The following L3MBTL4 variants were observed in gnomAD, a reference collection of about 807,000 sequenced individuals.
The protein encoded by L3MBTL4 is lethal(3)malignant brain tumor-like protein 4.
In L3MBTL4, 70 loss-of-function variants were observed where a neutral mutation model predicts 84.5. The observed-to-expected ratio is 0.83, with a 90% CI of 0.68 to 1.01. The LOEUF (loss-of-function observed/expected upper bound fraction) is 1.01, where lower values mean the gene tolerates loss of function less well. Ranked by LOEUF, L3MBTL4 falls within the 50% of genes least tolerant of loss-of-function variation. L3MBTL4 has a pLI of 0.00. For synonymous variants in L3MBTL4, 274 were observed against 259.8 expected, an observed-to-expected ratio of 1.05 and a Z score of -0.52; for missense variants, 715 against 754.8, an observed-to-expected ratio of 0.95 and a Z score of 0.62.
intron 16 of L3MBTL4, among the ~76,000 whole-genome samples, chr18:6,059,127 G>A (rs1046696264): frequency 6.6e-6 from 1 of 152,186 alleles, no homozygotes; most frequent in Non-Finnish European, 1.5e-5. Context: ...GATGTGGAAA[G>A]GTGAAGCTGC....
At chr18:5,998,844 T>C (rs770483628) in intron 16 of L3MBTL4, among the ~76,000 whole-genome samples, 1 of 152,204 alleles carries the variant, frequency 6.6e-6, no homozygotes, top group Non-Finnish European at 1.5e-5. Context: ...CAGCTGCCAC[T>C]TGCAGTCACC....
At chr18:6,194,331 G>A (rs1327374403) in intron 12 of L3MBTL4, among the ~76,000 whole-genome samples, 1 of 152,170 alleles carries the variant, frequency 6.6e-6, no homozygotes, top group Non-Finnish European at 1.5e-5. Flanking sequence ...CGATGGTCAC[G>A]GCAGCCTTCC....
At position 6,047,702 on chromosome 18, in the gene L3MBTL4, C is replaced by A. The variant is rs556148224; in HGVS notation, c.1444+33179G>T. Among the ~76,000 whole-genome samples, 6 of 152,274 alleles carry A rather than the reference C, an allele frequency of 3.9e-5. No homozygotes were observed. In the South Asian group the frequency reaches 1.2e-3, roughly 32 times the overall value. ...AAAAGCCTTTGATAAAATCCAACATCCTTTCATGTTAAAAACCCTCAACAG... is the reference window on the plus strand; with the variant it reads ...AAAAGCCTTTGATAAAATCCAACATACTTTCATGTTAAAAACCCTCAACAG... On this transcript the variant is annotated intron_variant, in intron 16 of 18. Transcript: ENST00000317931.
intron 10 of L3MBTL4, among the ~76,000 whole-genome samples, chr18:6,231,212 T>C (rs2046987304): frequency 2.0e-5 from 3 of 152,164 alleles, no homozygotes; most frequent in Admixed American, 2.0e-4. Flanking sequence ...TACTTGTAGG[T>C]TTTACTTTTA....
At chr18:6,376,244 C>T (rs905984061) in intron 1 of L3MBTL4, among the ~76,000 whole-genome samples, 1 of 152,208 alleles carries the variant, frequency 6.6e-6, no homozygotes, top group African/African-American at 2.4e-5. Context: ...CCTTGCAGGG[C>T]TTCCTGCTTC....
At chr18:6,269,752 C>A (rs2048787980) in intron 4 of L3MBTL4, among the ~76,000 whole-genome samples, 1 of 151,988 alleles carries the variant, frequency 6.6e-6, no homozygotes, top group Admixed American at 6.6e-5. Flanking sequence ...TGTTTATATA[C>A]AAATACAAAT....
At chr18:6,051,334 T>C (rs985035675) in intron 16 of L3MBTL4, among the ~76,000 whole-genome samples, 3 of 151,520 alleles carry the variant, frequency 2.0e-5, no homozygotes, top group Non-Finnish European at 2.9e-5. Context: ...AGGTCAGGAG[T>C]TCGAGACCAG....
intron 16 of L3MBTL4, among the ~76,000 whole-genome samples, chr18:5,987,877 C>T (rs2053534402): frequency 6.8e-6 from 1 of 146,872 alleles, no homozygotes; most frequent in African/African-American, 2.7e-5. Context: ...CATTTCAGGA[C>T]TTAATTCCCT....
chr18:6,240,184 T>C (rs533618373), intron 8 of L3MBTL4, among the ~76,000 whole-genome samples: 2 of 152,264 alleles, frequency 1.3e-5, no homozygotes, highest in South Asian at 2.1e-4. Context: ...TTTTAAAATA[T>C]GATGTTTACT....
intron 12 of L3MBTL4, among the ~76,000 whole-genome samples, chr18:6,211,650 C>CTT (rs764185744): frequency 8.4e-5 from 12 of 142,448 alleles, no homozygotes; most frequent in Non-Finnish European, 1.4e-4. Flanking sequence ...AAATGAAATA[C>CTT]TTTTTTTTTT....
At chr18:6,233,482 C>T (rs2047083303) in intron 10 of L3MBTL4, among the ~76,000 whole-genome samples, 1 of 149,728 alleles carries the variant, frequency 6.7e-6, no homozygotes, top group Admixed American at 6.6e-5. Context: ...TCTCAGAATA[C>T]AAAATAAATG....
At chr18:6,134,086 C>T (rs894977354) in intron 14 of L3MBTL4, among the ~76,000 whole-genome samples, 3 of 152,036 alleles carry the variant, frequency 2.0e-5, no homozygotes, top group Non-Finnish European at 4.4e-5. Context: ...ATATTCATGG[C>T]AGAGGGTGAA....
chr18:6,031,427 T>C, intron 16 of L3MBTL4: 1 of 985,478 alleles, frequency 1.0e-6, no homozygotes, highest in Non-Finnish European at 1.2e-6. Flanking sequence ...TGAACATTTA[T>C]AAGTTGCGAG....
intron 15 of L3MBTL4, among the ~76,000 whole-genome samples, chr18:6,088,726 G>T (rs1407271683): frequency 6.6e-6 from 1 of 152,168 alleles, no homozygotes; most frequent in Non-Finnish European, 1.5e-5. Flanking sequence ...AACTAACATT[G>T]TTATAATTCT....
chr18:6,255,508 G>A (rs1240109346), intron 5 of L3MBTL4, among the ~76,000 whole-genome samples: 4 of 152,104 alleles, frequency 2.6e-5, no homozygotes, highest in Admixed American at 6.5e-5. Context: ...TAGAAACTAC[G>A]GGAAATGAGC....
At chr18:6,136,915 G>A (rs905282859) in intron 14 of L3MBTL4, among the ~76,000 whole-genome samples, 3 of 152,220 alleles carry the variant, frequency 2.0e-5, no homozygotes, top group African/African-American at 7.2e-5. Context: ...TTATGCCAAT[G>A]TATAAAAACC....
intron 16 of L3MBTL4, among the ~76,000 whole-genome samples, chr18:6,073,018 C>A (rs2057739796): frequency 6.9e-6 from 1 of 144,806 alleles, no homozygotes; most frequent in African/African-American, 2.6e-5. Context: ...GAGTGGAAGG[C>A]AGGAAGGCAG....
chr18:6,351,808 C>G (rs577354979), intron 1 of L3MBTL4, among the ~76,000 whole-genome samples: 2 of 152,220 alleles, frequency 1.3e-5, no homozygotes, highest in African/African-American at 4.8e-5. Context: ...GCCTCAGCCT[C>G]CCAAAGTGCT....
At chr18:6,159,040 T>A (rs112764731) in intron 13 of L3MBTL4, among the ~76,000 whole-genome samples, 56 of 152,044 alleles carry the variant, frequency 3.7e-4, no homozygotes, top group African/African-American at 1.3e-3. Context: ...CTGCTGATGA[T>A]CAGGAATGAT....
Sources: gnomAD v4.1 joint callset for allele counts (sites outside exome capture counted in the v4.1 genomes callset) on GRCh38, gnomAD v4.1.1 for gene constraint, MANE v1.5 for transcripts, NCBI Gene and HGNC (gene_info 2026-07-23, HGNC 2026-07-21) for gene names.